Variants in EPHA5 observed in about 807,000 individuals in gnomAD.
The protein encoded by EPHA5 is ephrin type-A receptor 5.
EPHA5 carries 60 observed loss-of-function variants against 105.0 expected under a neutral mutation model. The ratio of observed to expected loss-of-function variants is 0.57; its 90% CI spans 0.46 to 0.71. The LOEUF is 0.71. Ranked by LOEUF, EPHA5 falls within the 30% of genes least tolerant of loss-of-function variation. EPHA5 has a pLI of 0.00. For synonymous variants in EPHA5, 513 were observed against 449.1 expected (o/e 1.14, Z -1.80); for missense variants, 1,218 against 1,274.7 (o/e 0.96, Z 0.68).
chr4:65,543,562 G>A (rs1737062447), intron 3 of EPHA5, among the ~76,000 whole-genome samples: 1 of 151,760 alleles, frequency 6.6e-6, no homozygotes, highest in South Asian at 2.1e-4. Context: ...CATTGCTCGA[G>A]AAAATAAGAA....
chr4:65,384,591 T>C (rs1560478209), intron 8 of EPHA5, among the ~76,000 whole-genome samples: 1 of 151,870 alleles, frequency 6.6e-6, no homozygotes, highest in Non-Finnish European at 1.5e-5. Flanking sequence ...GTCCCCATTA[T>C]TACCCTATCC....
At chr4:65,480,522 T>G (rs527482285) in intron 5 of EPHA5, among the ~76,000 whole-genome samples, 1 of 152,132 alleles carries the variant, frequency 6.6e-6, no homozygotes, top group Non-Finnish European at 1.5e-5. Flanking sequence ...GGCTTTCTGC[T>G]GATGAAAGTG....
chr4:65,649,953 C>A (rs1204274475), intron 1 of EPHA5, among the ~76,000 whole-genome samples: 1 of 152,160 alleles, frequency 6.6e-6, no homozygotes, highest in African/African-American at 2.4e-5. Context: ...ATCAATGCCT[C>A]ATTTTTGTAG....
intron 7 of EPHA5, among the ~76,000 whole-genome samples, chr4:65,409,718 C>G (rs1722738942): frequency 6.6e-6 from 1 of 152,116 alleles, no homozygotes; most frequent in Admixed American, 6.6e-5. Flanking sequence ...GTAACTTAAT[C>G]AAAGGCATAA....
At chr4:65,484,215 C>G (rs542354298) in intron 5 of EPHA5, among the ~76,000 whole-genome samples, 4 of 152,188 alleles carry the variant, frequency 2.6e-5, no homozygotes, top group Admixed American at 1.3e-4. Flanking sequence ...GCAGAAGCAA[C>G]AGTGTGCTTT....
chr4:65,449,869 A>C (rs564331863), intron 5 of EPHA5, among the ~76,000 whole-genome samples: 1 of 151,584 alleles, frequency 6.6e-6, no homozygotes. Context: ...CCTAGGAGGG[A>C]GGCCTGAAAC....
At chr4:65,536,721 G>A (rs1170504772) in intron 3 of EPHA5, among the ~76,000 whole-genome samples, 1 of 149,904 alleles carries the variant, frequency 6.7e-6, no homozygotes, top group African/African-American at 2.5e-5. Context: ...TGTACTCTTT[G>A]AATTTGAGTA....
chr4:65,425,553 A>G (rs778531319), intron 5 of EPHA5, among the ~76,000 whole-genome samples: 2 of 152,100 alleles, frequency 1.3e-5, no homozygotes, highest in Non-Finnish European at 2.9e-5. Flanking sequence ...TGTCAGTAAA[A>G]TTCAGGAAGT....
intron 1 of EPHA5, among the ~76,000 whole-genome samples, chr4:65,649,593 A>G (rs1748416210): frequency 6.6e-6 from 1 of 152,160 alleles, no homozygotes; most frequent in African/African-American, 2.4e-5. Flanking sequence ...TAAATGTCCT[A>G]TCTCTGTCCT....
intron 11 of EPHA5, among the ~76,000 whole-genome samples, chr4:65,354,323 C>T (rs544966294): frequency 3.8e-4 from 58 of 151,720 alleles, no homozygotes; most frequent in African/African-American, 1.4e-3. Context: ...CATTTCATAC[C>T]TAGTATGTCT....
At chr4:65,649,810 C>T (rs1162640001) in intron 1 of EPHA5, among the ~76,000 whole-genome samples, 2 of 152,146 alleles carry the variant, frequency 1.3e-5, no homozygotes, top group Non-Finnish European at 2.9e-5. Context: ...GTCATGATCA[C>T]GATAGACAAA....
intron 11 of EPHA5, among the ~76,000 whole-genome samples, chr4:65,356,230 T>A (rs1723283123): frequency 6.6e-6 from 1 of 151,508 alleles, no homozygotes; most frequent in Non-Finnish European, 1.5e-5. Context: ...TTTTGTAGAA[T>A]TTCTTCTTTC....
At chr4:65,574,216 CT>C in intron 3 of EPHA5, 1 of 1,603,152 alleles carries the variant, frequency 6.2e-7, no homozygotes, top group African/African-American at 1.3e-5. Flanking sequence ...GATCAGAAAG[CT>C]GTGGACTCAC....
In EPHA5 at chr4:65,344,921, C is replaced by G. The variant is rs140590673; in HGVS notation, c.2595+3133G>C. ...GAAAGAGAGGTAGGAGACATTGATTCAATTGGAGACAGTGTGATGCTTAGA... is the reference window on the plus strand; with the variant it reads ...GAAAGAGAGGTAGGAGACATTGATTGAATTGGAGACAGTGTGATGCTTAGA... On this transcript the variant is annotated intron_variant, in intron 14 of 16. Transcript: ENST00000613740. 7.8e-3 allele frequency among the ~76,000 whole-genome samples: 1,194 copies of G among 152,166 alleles called. 9 individuals are homozygous for G. The highest frequency in any genetic ancestry group is 0.037 in the Middle Eastern group (11 of 294).
rs1336918477 is a variant in EPHA5 at position 65,322,841 on chromosome 4, T to C, written c.*1273A>G. On this transcript the variant is annotated 3_prime_UTR_variant, in exon 17 of 17. Transcript: ENST00000613740. ...ATATATATATATTTGTGTGTGTGTA[T>C]GTGTATATATATATATTTGTCATAA... 1.7e-5 allele frequency: 4 copies of C among 229,062 alleles called. No homozygotes were observed. The highest frequency in any genetic ancestry group is 3.5e-5 in the Non-Finnish European group (4 of 115,432). The allele number at this position is 229,062 out of a possible 1,614,324, so 14.2% of individuals were successfully genotyped here.
intron 3 of EPHA5, among the ~76,000 whole-genome samples, chr4:65,559,852 C>T (rs533634105): frequency 7.9e-5 from 12 of 151,956 alleles, no homozygotes; most frequent in Non-Finnish European, 1.5e-4. Flanking sequence ...TGGTTGATTT[C>T]GGACAGAATA....
rs1376492501 is a variant in EPHA5, at chr4:65,383,218, T to TAC, written c.1794-15795_1794-15794insGT. ...TATATACATCATGATGCATATATGA[T>TAC]ATACACACACACACACACACACACA... On this transcript the variant is annotated intron_variant, in intron 8 of 16. Coordinates refer to ENST00000613740, the MANE Select transcript of EPHA5 (RefSeq NM_001281766.3). Among the ~76,000 whole-genome samples, 506 of 106,678 alleles carry TAC rather than the reference T, an allele frequency of 4.7e-3. 2 individuals carry two copies. The highest frequency in any genetic ancestry group is 0.025 in the East Asian group (78 of 3,182). The allele number at this position is 106,678 out of a possible 152,430, so 70.0% of individuals were successfully genotyped here. A position where few individuals can be genotyped will look rare whatever the true frequency, so the allele number is the denominator to read the frequency against.
chr4:65,468,229 T>C (rs1283097023), intron 5 of EPHA5, among the ~76,000 whole-genome samples: 2 of 151,964 alleles, frequency 1.3e-5, no homozygotes, highest in African/African-American at 2.4e-5. Flanking sequence ...GAACACCTAA[T>C]AGATATATAG....
chr4:65,376,919 T>C (rs1427425002), intron 8 of EPHA5: 2 of 1,297,226 alleles, frequency 1.5e-6, no homozygotes, highest in Non-Finnish European at 2.1e-6. Context: ...TGTACACAAA[T>C]GGAGAAAGAA....
Sources: allele counts gnomAD v4.1 joint callset (sites outside exome capture counted in the v4.1 genomes callset), GRCh38; gene constraint gnomAD v4.1.1; transcripts MANE v1.5; gene names NCBI Gene and HGNC (gene_info 2026-07-23, HGNC 2026-07-21).